RHOU: variants seen among roughly 807,000 people sequenced by gnomAD.
RHOU encodes ras homolog family member U.
A neutral mutation model predicts 12.6 loss-of-function variants in RHOU; 8 were observed. The observed-to-expected ratio is 0.64, with a 90% CI of 0.37 to 1.15. RHOU has a LOEUF of 1.15. Among genes scored for constraint, RHOU ranks in the 50% most tolerant of loss-of-function variants. The pLI, the probability that RHOU is intolerant of heterozygous loss-of-function variation, is 0.01. For synonymous variants in RHOU, 161 were observed against 147.4 expected, an observed-to-expected ratio of 1.09 and a Z score of -0.67; for missense variants, 258 against 347.0, an observed-to-expected ratio of 0.74 and a Z score of 2.04.
the RHOU span, among the ~76,000 whole-genome samples, chr1:228,712,922 G>A: frequency 6.6e-6 from 1 of 151,660 alleles, no homozygotes; most frequent in African/African-American, 2.4e-5. Context: ...GCCATATACT[G>A]CCAGGGTCTG....
chr1:228,676,991 A>C, the RHOU span, among the ~76,000 whole-genome samples: 1 of 152,208 alleles, frequency 6.6e-6, no homozygotes, highest in Non-Finnish European at 1.5e-5. Context: ...GAGGCCTGAC[A>C]TTCCTGTCTT....
At chr1:228,716,745 C>CATAT in the RHOU span, among the ~76,000 whole-genome samples, 2 of 104,756 alleles carry the variant, frequency 1.9e-5, no homozygotes, top group East Asian at 6.4e-4. Flanking sequence ...CATATACACA[C>CATAT]ACATGTGTGT....
Position 228,743,980 on chromosome 1 carries a change from T to C in RHOU, c.*240T>C. 1 of 437,012 alleles carries C rather than the reference T, an allele frequency of 2.3e-6. No homozygotes were observed. 27.1% of individuals were successfully genotyped at this position (437,012 alleles called of 1,614,324 possible). A position where few individuals can be genotyped will look rare whatever the true frequency, so the allele number is the denominator to read the frequency against. On this transcript the variant is annotated 3_prime_UTR_variant, in exon 3 of 3. Coordinates refer to ENST00000366691, the MANE Select transcript of RHOU (RefSeq NM_021205.6). This position sits in a 1 kb window ranked among gnomAD's most constrained non-coding sequence, Gnocchi z 5.1. ...GTAAATTAAACATTTTTCACATCTC[T>C]GGAAATTTAGAGTTCTAGACCTCTG...
intron 2 of RHOU, among the ~76,000 whole-genome samples, chr1:228,740,899 G>A (rs1209777865): frequency 1.3e-5 from 2 of 152,142 alleles, no homozygotes; most frequent in East Asian, 1.9e-4. Context: ...GATGTCAAAA[G>A]GAGTTTTTAA....
At chr1:228,715,848 T>G in the RHOU span, among the ~76,000 whole-genome samples, 1 of 151,870 alleles carries the variant, frequency 6.6e-6, no homozygotes, top group South Asian at 2.1e-4. Flanking sequence ...TTTTGCATTA[T>G]TTGATGTGAT....
At chr1:228,739,571 T>A (rs1201226501) in intron 2 of RHOU, among the ~76,000 whole-genome samples, 1 of 151,918 alleles carries the variant, frequency 6.6e-6, no homozygotes, top group Non-Finnish European at 1.5e-5. Context: ...TCAAAAAAAA[T>A]AAAACACAGG....
rs764195912 is a variant in RHOU, at chr1:228,745,701, A to G, written c.*1961A>G. The G allele has an allele frequency of 5.3e-5, 8 of 152,216 alleles. No individual in the cohort carries two copies. The highest frequency in any genetic ancestry group is 8.8e-5 in the Non-Finnish European group (6 of 68,040). 9.4% of individuals were successfully genotyped at this position (152,216 alleles called of 1,614,324 possible). On this transcript the variant is annotated 3_prime_UTR_variant, in exon 3 of 3. Transcript: ENST00000366691. ...AATAGACCTAACTGAATACAGTCTC[A>G]TCTTGCCGCGCCTGGCTTACCTATC...
the RHOU span, among the ~76,000 whole-genome samples, chr1:228,653,216 G>A: frequency 1.3e-5 from 2 of 152,088 alleles, no homozygotes; most frequent in East Asian, 1.9e-4. Flanking sequence ...TGGCACGATC[G>A]TGGCTCACTG....
At chr1:228,736,606 GC>G (rs1478088350) in intron 1 of RHOU, among the ~76,000 whole-genome samples, 1 of 152,080 alleles carries the variant, frequency 6.6e-6, no homozygotes, top group Non-Finnish European at 1.5e-5. Flanking sequence ...TTTCTTCTGA[GC>G]CCCACCACCT....
the RHOU span, among the ~76,000 whole-genome samples, chr1:228,672,898 C>T: frequency 2.0e-5 from 3 of 152,274 alleles, no homozygotes; most frequent in East Asian, 5.8e-4. Flanking sequence ...AGGCAGATTA[C>T]TTCTTACTCC....
the RHOU span, among the ~76,000 whole-genome samples, chr1:228,657,292 A>G: frequency 1.3e-5 from 2 of 149,762 alleles, no homozygotes; most frequent in Non-Finnish European, 3.0e-5. Context: ...AAAAAAAAAA[A>G]AAAAAAAAAA....
intron 2 of RHOU, among the ~76,000 whole-genome samples, chr1:228,741,237 C>A (rs59913078): frequency 0.051 from 7,728 of 152,192 alleles, 615 homozygotes; most frequent in African/African-American, 0.17. Context: ...GGCCTCAGAA[C>A]GCCTTTTCTT....
At chr1:228,647,327 A>T in the RHOU span, among the ~76,000 whole-genome samples, 1 of 151,914 alleles carries the variant, frequency 6.6e-6, no homozygotes, top group East Asian at 1.9e-4. Flanking sequence ...GGGCCCCGAG[A>T]TTTGCAGAGT....
At chr1:228,681,860 C>T in the RHOU span, among the ~76,000 whole-genome samples, 4 of 151,978 alleles carry the variant, frequency 2.6e-5, no homozygotes, top group African/African-American at 9.7e-5. Flanking sequence ...CACGGAGAAG[C>T]GGGGTGGGGA....
chr1:228,675,528 G>T, the RHOU span, among the ~76,000 whole-genome samples: 1 of 152,086 alleles, frequency 6.6e-6, no homozygotes, highest in African/African-American at 2.4e-5. Context: ...AGTACATACC[G>T]CTCCATCTGT....
the RHOU span, among the ~76,000 whole-genome samples, chr1:228,661,542 G>T: frequency 6.6e-6 from 1 of 152,146 alleles, no homozygotes; most frequent in Admixed American, 6.5e-5. Flanking sequence ...ACAACCATCT[G>T]ATCTTTGACA....
chr1:228,646,875 T>G, the RHOU span, among the ~76,000 whole-genome samples: 1 of 149,336 alleles, frequency 6.7e-6, no homozygotes, highest in African/African-American at 2.5e-5. Context: ...GATGGAGAGA[T>G]AGAAACCGAG....
the RHOU span, among the ~76,000 whole-genome samples, chr1:228,659,454 T>A: frequency 6.8e-6 from 1 of 147,438 alleles, no homozygotes; most frequent in Non-Finnish European, 1.5e-5. Flanking sequence ...TTTAGGCAAC[T>A]AGAAAAGAAA....
chr1:228,691,344 C>T, the RHOU span, among the ~76,000 whole-genome samples: 1 of 152,120 alleles, frequency 6.6e-6, no homozygotes, highest in Non-Finnish European at 1.5e-5. Flanking sequence ...CATGTTTCCA[C>T]CACTACGGTA....
Sources: gnomAD v4.1 joint callset for allele counts (sites outside exome capture counted in the v4.1 genomes callset) on GRCh38, gnomAD v4.1.1 for gene constraint, Gnocchi (gnomAD v3.1) non-coding constraint, MANE v1.5 for transcripts, NCBI Gene and HGNC (gene_info 2026-07-23, HGNC 2026-07-21) for gene names.